GPM6A: variants seen among roughly 807,000 people sequenced by gnomAD.
GPM6A encodes the protein neuronal membrane glycoprotein M6-a.
In GPM6A, 7 loss-of-function variants were observed where a neutral mutation model predicts 32.1. The observed-to-expected ratio is 0.22, with a 90% CI of 0.12 to 0.41. The LOEUF is 0.41. GPM6A is among the 10% of genes least tolerant of loss of function. GPM6A has a pLI of 1.00. For synonymous variants in GPM6A, 130 were observed against 123.4 expected, an observed-to-expected ratio of 1.05 and a Z score of -0.35; for missense variants, 235 against 347.2, an observed-to-expected ratio of 0.68 and a Z score of 2.57.
chr4:175,787,602 TC>T (rs1733852175), intron 1 of GPM6A: 2 of 1,343,372 alleles, frequency 1.5e-6, no homozygotes, highest in African/African-American at 1.5e-5. Context: ...TCAGCTTTTT[TC>T]CCCAAATCAC....
At chr4:175,977,860 A>T (rs1740704960) in intron 1 of GPM6A, among the ~76,000 whole-genome samples, 1 of 152,144 alleles carries the variant, frequency 6.6e-6, no homozygotes, top group Non-Finnish European at 1.5e-5. Context: ...TGTGACTCCC[A>T]ACTGAACTCT....
At chr4:175,675,006 G>GGATA (rs1056680777) in intron 2 of GPM6A, among the ~76,000 whole-genome samples, 4 of 151,472 alleles carry the variant, frequency 2.6e-5, no homozygotes, top group Non-Finnish European at 4.4e-5. Flanking sequence ...ATGGATATAT[G>GGATA]GATAGATAGA....
At chr4:175,881,019 T>C (rs1737256688) in intron 1 of GPM6A, among the ~76,000 whole-genome samples, 1 of 152,282 alleles carries the variant, frequency 6.6e-6, no homozygotes, top group South Asian at 2.1e-4. Flanking sequence ...AAAGAGCTCC[T>C]GCACAGCAAA....
intron 4 of GPM6A, among the ~76,000 whole-genome samples, chr4:175,646,166 T>C (rs905106672): frequency 2.6e-5 from 4 of 152,170 alleles, no homozygotes; most frequent in African/African-American, 7.2e-5. Context: ...GTGACTTCAA[T>C]TCCCCCTTGA....
At chr4:175,936,528 C>T (rs956204361) in intron 1 of GPM6A, among the ~76,000 whole-genome samples, 4 of 151,824 alleles carry the variant, frequency 2.6e-5, no homozygotes, top group Non-Finnish European at 4.4e-5. Context: ...ATCCTAGCAG[C>T]CTGCAGGCAT....
chr4:175,811,909 G>T, intron 1 of GPM6A: 2 of 268,236 alleles, frequency 7.5e-6, no homozygotes, highest in Non-Finnish European at 6.9e-6. Flanking sequence ...ATAAATGAAG[G>T]TTAACAAAGA....
At chr4:175,948,958 AGTGTGT>A (rs34417872) in intron 1 of GPM6A, among the ~76,000 whole-genome samples, 2,056 of 144,712 alleles carry the variant, frequency 0.014, 45 homozygotes, top group African/African-American at 0.045. Flanking sequence ...TTTGGTGGTA[AGTGTGT>A]GTGTGTGTGT....
intron 1 of GPM6A, among the ~76,000 whole-genome samples, chr4:175,989,122 C>G (rs1741063842): frequency 6.6e-6 from 1 of 152,050 alleles, no homozygotes; most frequent in Non-Finnish European, 1.5e-5. Context: ...CACCACATAT[C>G]AATTAAAGAA....
At chr4:175,744,943 A>C (rs1307678901) in intron 1 of GPM6A, among the ~76,000 whole-genome samples, 1 of 152,210 alleles carries the variant, frequency 6.6e-6, no homozygotes, top group Non-Finnish European at 1.5e-5. Flanking sequence ...GTTAAACATA[A>C]TAAAAAGAAA....
At chr4:175,790,142 G>A (rs1733955509) in intron 1 of GPM6A, among the ~76,000 whole-genome samples, 2 of 151,982 alleles carry the variant, frequency 1.3e-5, no homozygotes, top group Admixed American at 1.3e-4. Context: ...CACATTCAAG[G>A]CAATTCTTAG....
Position 175,981,691 on chromosome 4 carries a change from C to T in GPM6A, c.-23+20618G>A, listed in dbSNP as rs185053921. Among the ~76,000 whole-genome samples the T allele has an allele frequency of 3.3e-5, 5 of 152,198 alleles. No homozygotes were observed. In the East Asian group the frequency reaches 5.8e-4, roughly 18 times the overall value. ...AACAGATAAAACCATTATAAACCTG[C>T]GCTTAACAGATTTTTGAGTCAACAT... On this transcript the variant is annotated intron_variant, in intron 1 of 7. Transcript: ENST00000280187.
At chr4:175,757,572 CAA>C (rs1263138284) in intron 1 of GPM6A, among the ~76,000 whole-genome samples, 3 of 152,090 alleles carry the variant, frequency 2.0e-5, no homozygotes, top group African/African-American at 7.2e-5. Flanking sequence ...GTGCTTTTAG[CAA>C]AGACTAGGTT....
chr4:175,761,475 T>C (rs115813400), intron 1 of GPM6A, among the ~76,000 whole-genome samples: 2,408 of 152,286 alleles, frequency 0.016, 77 homozygotes, highest in African/African-American at 0.055. Flanking sequence ...AATGTTACTA[T>C]AACCTAATGC....
chr4:175,951,518 C>T (rs1561008697), intron 1 of GPM6A, among the ~76,000 whole-genome samples: 1 of 152,162 alleles, frequency 6.6e-6, no homozygotes, highest in Admixed American at 6.5e-5. Flanking sequence ...TCTCTTGAGG[C>T]TTCAGTGTCC....
At chr4:175,813,124 G>A (rs1344897672), upstream of GPM6A, 2 of 946,624 alleles carry the variant, frequency 2.1e-6, no homozygotes, top group Non-Finnish European at 2.5e-6. Context: ...TGATGTCTTT[G>A]TTATTTATTG....
At chr4:175,930,425 T>TGG (rs138781978) in intron 1 of GPM6A, among the ~76,000 whole-genome samples, 8,284 of 124,396 alleles carry the variant, frequency 0.067, 253 homozygotes, top group Middle Eastern at 0.14. Context: ...ATCTGTTTTT[T>TGG]GGGGGGGGGT....
chr4:175,674,254 T>C (rs1284961935), intron 2 of GPM6A, among the ~76,000 whole-genome samples: 1 of 152,192 alleles, frequency 6.6e-6, no homozygotes, highest in East Asian at 1.9e-4. Flanking sequence ...CTCGGCTCGC[T>C]GCAACTTCTG....
intron 1 of GPM6A, among the ~76,000 whole-genome samples, chr4:175,825,892 A>T (rs6838208): frequency 0.97 from 147,774 of 152,170 alleles, 71,923 homozygotes; most frequent in East Asian, 1. Flanking sequence ...TAAAAAAAAA[A>T]GTCTTGGCTG....
chr4:175,761,113 A>T (rs1732719963), intron 1 of GPM6A, among the ~76,000 whole-genome samples: 1 of 152,172 alleles, frequency 6.6e-6, no homozygotes, highest in South Asian at 2.1e-4. Context: ...GTCAAGATCT[A>T]CACTGAGCTA....
Sources: gnomAD v4.1 joint callset for allele counts (sites outside exome capture counted in the v4.1 genomes callset) on GRCh38, gnomAD v4.1.1 for gene constraint, MANE v1.5 for transcripts, NCBI Gene and HGNC (gene_info 2026-07-23, HGNC 2026-07-21) for gene names.